The following PCDH9 variants were observed in gnomAD, a reference collection of about 807,000 sequenced individuals.
PCDH9 encodes protocadherin 9.
PCDH9 carries 24 observed loss-of-function variants against 70.6 expected under a neutral mutation model. The observed-to-expected ratio is 0.34, with a 90% CI of 0.25 to 0.48. The LOEUF is 0.48. Ranked by LOEUF, PCDH9 falls within the 20% of genes least tolerant of loss-of-function variation. The pLI is 0.99. For synonymous variants in PCDH9, 562 were observed against 558.5 expected, an observed-to-expected ratio of 1.01 and a Z score of -0.09; for missense variants, 1,281 against 1,503.6, an observed-to-expected ratio of 0.85 and a Z score of 2.45.
chr13:66,491,385 T>TTGTGTGTGTGTGTGTGTGTGTGTGTG (rs71106974), intron 4 of PCDH9, among the ~76,000 whole-genome samples: 33 of 136,134 alleles, frequency 2.4e-4, no homozygotes, highest in East Asian at 9.0e-4. Flanking sequence ...GCAGGAGATA[T>TTGTGTGTGTGTGTGTGTGTGTGTGTG]TGTGTGTGTG....
intron 4 of PCDH9, among the ~76,000 whole-genome samples, chr13:66,509,739 C>T (rs1055710346): frequency 6.6e-6 from 1 of 152,112 alleles, no homozygotes; most frequent in African/African-American, 2.4e-5. Context: ...AATCATGAGC[C>T]ACCACACCCG....
chr13:66,994,808 G>A (rs1299076212), intron 2 of PCDH9, among the ~76,000 whole-genome samples: 2 of 151,998 alleles, frequency 1.3e-5, no homozygotes, highest in African/African-American at 2.4e-5. Context: ...CCTACTCTAC[G>A]CTATATATAA....
At chr13:67,148,663 G>A (rs1276321757) in intron 2 of PCDH9, among the ~76,000 whole-genome samples, 6 of 151,592 alleles carry the variant, frequency 4.0e-5, no homozygotes, top group Admixed American at 2.6e-4. Context: ...GTTTTTCTTC[G>A]ATGTCCTTTG....
At chr13:66,331,838 G>A (rs918463326) in intron 4 of PCDH9, among the ~76,000 whole-genome samples, 1 of 152,170 alleles carries the variant, frequency 6.6e-6, no homozygotes. Flanking sequence ...TTTACCTGAA[G>A]CACAATGTAT....
chr13:66,690,082 A>G (rs2139081335), intron 3 of PCDH9, among the ~76,000 whole-genome samples: 1 of 152,360 alleles, frequency 6.6e-6, no homozygotes, highest in Admixed American at 6.5e-5. Context: ...GTAAAAGTGC[A>G]CATAAATAAA....
chr13:67,049,405 A>G (rs1363312263), intron 2 of PCDH9, among the ~76,000 whole-genome samples: 1 of 152,222 alleles, frequency 6.6e-6, no homozygotes, highest in Non-Finnish European at 1.5e-5. Flanking sequence ...ATCTATAACA[A>G]TAGGGATAAA....
At chr13:66,535,865 A>C (rs1048299057) in intron 4 of PCDH9, among the ~76,000 whole-genome samples, 3 of 152,030 alleles carry the variant, frequency 2.0e-5, no homozygotes, top group African/African-American at 7.2e-5. Flanking sequence ...TAACTACAAA[A>C]TTGAAATAGG....
At chr13:67,178,411 C>T (rs2088524197) in intron 2 of PCDH9, among the ~76,000 whole-genome samples, 2 of 152,078 alleles carry the variant, frequency 1.3e-5, no homozygotes, top group Admixed American at 1.3e-4. Context: ...AACTATTTAT[C>T]TAACATCCAA....
chr13:66,763,892 G>A (rs1173587929), intron 3 of PCDH9, among the ~76,000 whole-genome samples: 4 of 151,862 alleles, frequency 2.6e-5, no homozygotes, highest in African/African-American at 9.7e-5. Context: ...TCCGCCTCCT[G>A]GATTCAAGCA....
Position 67,016,321 on chromosome 13 carries a change from C to T in PCDH9, c.3037-112716G>A, listed in dbSNP as rs145009587. Among the ~76,000 whole-genome samples the T allele has an allele frequency of 3.3e-3, 495 of 152,212 alleles. 4 individuals carry two copies. Among genetic ancestry groups the T allele is most frequent in the African/African-American group, 0.011 (440 of 41,528 alleles). On this transcript the variant is annotated intron_variant, in intron 2 of 4. Coordinates refer to ENST00000377865, the MANE Select transcript of PCDH9 (RefSeq NM_203487.3). ...ATTAAAAACACTTACTCTGAATTTC[C>T]GTTCATTAACATATTCACTCCATGA...
intron 4 of PCDH9, among the ~76,000 whole-genome samples, chr13:66,381,428 T>C (rs1471358734): frequency 2.0e-5 from 3 of 152,212 alleles, no homozygotes; most frequent in Non-Finnish European, 2.9e-5. Flanking sequence ...GTAGCTTCCA[T>C]AGAGGTTACA....
chr13:66,466,882 T>C (rs1345977241), intron 4 of PCDH9, among the ~76,000 whole-genome samples: 4 of 152,030 alleles, frequency 2.6e-5, no homozygotes, highest in African/African-American at 4.8e-5. Context: ...GTACACCATA[T>C]GGATAAGAGT....
intron 3 of PCDH9, among the ~76,000 whole-genome samples, chr13:66,702,462 T>C (rs539321284): frequency 4.6e-5 from 7 of 152,270 alleles, no homozygotes; most frequent in South Asian, 2.1e-4. Context: ...TGATCGGTTA[T>C]GTGGGATAAA....
chr13:66,752,102 C>T (rs1277588293), intron 3 of PCDH9, among the ~76,000 whole-genome samples: 3 of 152,088 alleles, frequency 2.0e-5, no homozygotes, highest in Non-Finnish European at 2.9e-5. Flanking sequence ...GAAAGGGCAT[C>T]GGTGGCTAAG....
At chr13:66,558,367 G>T (rs1434290133) in intron 4 of PCDH9, among the ~76,000 whole-genome samples, 1 of 152,002 alleles carries the variant, frequency 6.6e-6, no homozygotes, top group Non-Finnish European at 1.5e-5. Flanking sequence ...CATAAAAGAA[G>T]TGAAGGGTTC....
intron 3 of PCDH9, among the ~76,000 whole-genome samples, chr13:66,825,463 T>C (rs561962602): frequency 2.7e-4 from 40 of 146,682 alleles, no homozygotes; most frequent in Admixed American, 8.4e-4. Flanking sequence ...CAGCCTCCCG[T>C]GTAGCTGGGA....
chr13:67,110,247 G>C (rs555809490), intron 2 of PCDH9, among the ~76,000 whole-genome samples: 16 of 151,728 alleles, frequency 1.1e-4, no homozygotes, highest in African/African-American at 3.9e-4. Flanking sequence ...GATACGGCCG[G>C]GTGCAGTGGC....
intron 3 of PCDH9, among the ~76,000 whole-genome samples, chr13:66,894,132 C>T (rs548082816): frequency 6.6e-6 from 1 of 152,216 alleles, no homozygotes; most frequent in South Asian, 2.1e-4. Context: ...CTGTAGACAT[C>T]AAATGATCTA....
chr13:67,150,075 T>C (rs2087619784), intron 2 of PCDH9, among the ~76,000 whole-genome samples: 1 of 152,214 alleles, frequency 6.6e-6, no homozygotes, highest in Non-Finnish European at 1.5e-5. Flanking sequence ...ATATGGAGTC[T>C]CACTCTGTCA....
Sources: allele counts gnomAD v4.1 joint callset (sites outside exome capture counted in the v4.1 genomes callset), GRCh38; gene constraint gnomAD v4.1.1; transcripts MANE v1.5; gene names NCBI Gene and HGNC (gene_info 2026-07-23, HGNC 2026-07-21).